The following PTPRR variants were observed in gnomAD, a reference collection of about 807,000 sequenced individuals.
PTPRR encodes the protein protein tyrosine phosphatase receptor type R.
Under a neutral mutation model 77.2 loss-of-function variants are expected in PTPRR, and 38 were observed. The ratio of observed to expected loss-of-function variants is 0.49; its 90% CI spans 0.38 to 0.65. PTPRR has a LOEUF of 0.65. PTPRR is among the 30% of genes least tolerant of loss of function. PTPRR has a pLI of 0.00. For synonymous variants in PTPRR, 299 were observed against 283.1 expected (o/e 1.06, Z -0.57); for missense variants, 744 against 799.2 (o/e 0.93, Z 0.83).
chr12:70,695,569 A>C (rs1489103133), intron 8 of PTPRR, among the ~76,000 whole-genome samples: 3 of 152,212 alleles, frequency 2.0e-5, no homozygotes. Flanking sequence ...AGGACTATGA[A>C]GCAGTTGTCT....
At chr12:70,844,056 T>G (rs994226172) in intron 2 of PTPRR, among the ~76,000 whole-genome samples, 1 of 152,006 alleles carries the variant, frequency 6.6e-6, no homozygotes, top group African/African-American at 2.4e-5. Flanking sequence ...CCGTGGGTGA[T>G]CCACCCACCT....
intron 10 of PTPRR, among the ~76,000 whole-genome samples, chr12:70,667,123 T>G (rs1887040234): frequency 6.6e-6 from 1 of 151,630 alleles, no homozygotes; most frequent in Non-Finnish European, 1.5e-5. Context: ...GCCTGGCTAA[T>G]TTTTTGTATT....
intron 4 of PTPRR, among the ~76,000 whole-genome samples, chr12:70,760,207 A>T (rs1424244357): frequency 6.6e-6 from 1 of 152,184 alleles, no homozygotes; most frequent in African/African-American, 2.4e-5. Context: ...TAAGTGCTAT[A>T]CCCATTTTGG....
chr12:70,646,467 T>A (rs896328825), intron 13 of PTPRR, among the ~76,000 whole-genome samples: 3 of 152,206 alleles, frequency 2.0e-5, no homozygotes, highest in African/African-American at 7.2e-5. Context: ...AGTTCCATTT[T>A]TTTTTCCTCT....
chr12:70,733,095 T>C (rs1353692000), intron 6 of PTPRR, among the ~76,000 whole-genome samples: 10 of 151,996 alleles, frequency 6.6e-5, no homozygotes, highest in Admixed American at 5.9e-4. Flanking sequence ...GGAGAATCCT[T>C]GAGGGCTGTG....
At position 70,648,896 on chromosome 12, in the gene PTPRR, T is replaced by C. The variant is rs550770455; in HGVS notation, c.1880+7808A>G. Among the ~76,000 whole-genome samples, 10 of 152,310 alleles carry C rather than the reference T, an allele frequency of 6.6e-5. No homozygotes were observed. In the East Asian group the frequency reaches 7.7e-4, roughly 12 times the overall value. On this transcript the variant is annotated intron_variant, in intron 13 of 13. Transcript: ENST00000283228. ...CTTGGAAAAAAAAAAAGAAATCTTA[T>C]TTTAGTTCAAAATATGCTCAAAAGT... is the stretch of plus-strand genomic sequence containing the variant.
chr12:70,738,767 G>A (rs1365561837), intron 6 of PTPRR, among the ~76,000 whole-genome samples: 1 of 152,200 alleles, frequency 6.6e-6, no homozygotes, highest in Non-Finnish European at 1.5e-5. Flanking sequence ...CAAAAGACAA[G>A]AGGGAACATG....
Position 70,830,131 on chromosome 12 carries a change from C to T in PTPRR, c.357+62548G>A, listed in dbSNP as rs547974336. On this transcript the variant is annotated intron_variant, in intron 2 of 13. Coordinates refer to ENST00000283228, the MANE Select transcript of PTPRR (RefSeq NM_002849.4). ...AAACAAACAAAAAAGCGTGCTCCTG[C>T]GGCAGTATTAGGGCCTGGGGTAGAA... Among the ~76,000 whole-genome samples the T allele has an allele frequency of 6.4e-4, 97 of 152,180 alleles. No individual in the cohort carries two copies. The South Asian group carries it at 0.015, about 24-fold the overall frequency.
At chr12:70,762,312 C>G (rs11833619) in intron 3 of PTPRR, among the ~76,000 whole-genome samples, 3,167 of 151,978 alleles carry the variant, frequency 0.021, 115 homozygotes, top group African/African-American at 0.071. Flanking sequence ...CACACACACA[C>G]AGAGAGCAGA....
At chr12:70,789,201 G>A (rs1891382033) in intron 2 of PTPRR, among the ~76,000 whole-genome samples, 1 of 151,878 alleles carries the variant, frequency 6.6e-6, no homozygotes, top group Non-Finnish European at 1.5e-5. Context: ...CATGGCACAT[G>A]TATACATATG....
intron 2 of PTPRR, among the ~76,000 whole-genome samples, chr12:70,800,306 T>A (rs1295742970): frequency 6.6e-6 from 1 of 151,140 alleles, no homozygotes; most frequent in South Asian, 2.1e-4. Flanking sequence ...GAGCTTGATG[T>A]GGAAGTCCAT....
intron 12 of PTPRR, among the ~76,000 whole-genome samples, chr12:70,657,834 C>T (rs781655184): frequency 6.6e-6 from 1 of 152,146 alleles, no homozygotes; most frequent in Non-Finnish European, 1.5e-5. Context: ...CTCTGCTGAG[C>T]CTGTGGGATT....
intron 8 of PTPRR, among the ~76,000 whole-genome samples, chr12:70,693,168 G>A (rs374187257): frequency 6.6e-6 from 1 of 152,154 alleles, no homozygotes; most frequent in Non-Finnish European, 1.5e-5. Context: ...TGCCTATGAT[G>A]TATATGATTT....
chr12:70,656,932 A>G, intron 12 of PTPRR, 115 bp from the exon 13 acceptor site: 2 of 546,580 alleles, frequency 3.7e-6, no homozygotes, highest in Admixed American at 5.2e-5. Context: ...GTATTCACAT[A>G]TTGAGTATTA....
At chr12:70,898,059 T>G (rs36124077) in intron 1 of PTPRR, among the ~76,000 whole-genome samples, 75,719 of 150,754 alleles carry the variant, frequency 0.5, 19,292 homozygotes, top group Non-Finnish European at 0.55. Context: ...GCTAAATGAC[T>G]AGTTAATGGG....
At chr12:70,760,874 C>T (rs1374234868) in intron 4 of PTPRR, among the ~76,000 whole-genome samples, 1 of 152,040 alleles carries the variant, frequency 6.6e-6, no homozygotes, top group Non-Finnish European at 1.5e-5. Flanking sequence ...AAATTAAATC[C>T]ATTCAGGAGT....
chr12:70,807,368 C>T (rs1418778369), intron 2 of PTPRR, among the ~76,000 whole-genome samples: 2 of 152,038 alleles, frequency 1.3e-5, no homozygotes, highest in African/African-American at 2.4e-5. Context: ...ATCTACTTGC[C>T]CACCTTTTAA....
chr12:70,724,881 G>A (rs1889381616), intron 6 of PTPRR, among the ~76,000 whole-genome samples: 1 of 151,942 alleles, frequency 6.6e-6, no homozygotes, highest in Non-Finnish European at 1.5e-5. Flanking sequence ...CAACTGGCTA[G>A]GAAATAATCT....
intron 13 of PTPRR, among the ~76,000 whole-genome samples, chr12:70,645,895 A>C (rs1442053595): frequency 6.6e-6 from 1 of 152,048 alleles, no homozygotes; most frequent in Non-Finnish European, 1.5e-5. Context: ...CCAGATGCCC[A>C]GGAGAGAGAT....
Sources: gnomAD v4.1 joint callset for allele counts (sites outside exome capture counted in the v4.1 genomes callset) on GRCh38, gnomAD v4.1.1 for gene constraint, MANE v1.5 for transcripts, NCBI Gene and HGNC (gene_info 2026-07-23, HGNC 2026-07-21) for gene names.